The following DDX10 variants were observed in gnomAD, a reference collection of about 807,000 sequenced individuals.
DDX10 encodes probable ATP-dependent RNA helicase DDX10.
A neutral mutation model predicts 104.3 loss-of-function variants in DDX10; 74 were observed. The ratio of observed to expected loss-of-function variants is 0.71; its 90% CI spans 0.59 to 0.86. The LOEUF is 0.86. Ranked by LOEUF, DDX10 falls within the 40% of genes least tolerant of loss-of-function variation. DDX10 has a pLI of 0.00. For synonymous variants in DDX10, 351 were observed against 353.4 expected (o/e 0.99, Z 0.08); for missense variants, 952 against 1,040.0 (o/e 0.92, Z 1.16).
chr11:108,931,111 T>C (rs1863971001), intron 17 of DDX10, among the ~76,000 whole-genome samples: 1 of 152,048 alleles, frequency 6.6e-6, no homozygotes, highest in Admixed American at 6.6e-5. Flanking sequence ...TAGCACCCTG[T>C]ACTCCAGCCT....
At chr11:108,716,580 T>C (rs2094291785) in intron 11 of DDX10, among the ~76,000 whole-genome samples, 1 of 152,222 alleles carries the variant, frequency 6.6e-6, no homozygotes, top group African/African-American at 2.4e-5. Flanking sequence ...GTAAAATTGC[T>C]ATAACTCCTG....
At chr11:108,830,766 G>A (rs1862458596) in intron 13 of DDX10, among the ~76,000 whole-genome samples, 1 of 152,174 alleles carries the variant, frequency 6.6e-6, no homozygotes, top group Admixed American at 6.5e-5. Context: ...ATAAAGGGGT[G>A]ATGGATTTTG....
At chr11:108,784,300 A>G (rs1861757414) in intron 13 of DDX10, among the ~76,000 whole-genome samples, 1 of 152,124 alleles carries the variant, frequency 6.6e-6, no homozygotes. Flanking sequence ...AAGACTCTGT[A>G]ACATCTTTTA....
At chr11:108,747,696 T>C (rs1314354995) in intron 13 of DDX10, among the ~76,000 whole-genome samples, 1 of 152,160 alleles carries the variant, frequency 6.6e-6, no homozygotes, top group Non-Finnish European at 1.5e-5. Context: ...CTTTGGATTG[T>C]TAAATTAGTG....
intron 13 of DDX10, among the ~76,000 whole-genome samples, chr11:108,757,206 T>A (rs1371173782): frequency 3.3e-5 from 5 of 152,068 alleles, no homozygotes; most frequent in Non-Finnish European, 7.4e-5. Flanking sequence ...TCTTCCTTAT[T>A]TCCTCTCTCT....
chr11:108,925,320 C>T (rs945494281), intron 17 of DDX10, among the ~76,000 whole-genome samples: 2 of 152,122 alleles, frequency 1.3e-5, no homozygotes, highest in Non-Finnish European at 2.9e-5. Flanking sequence ...TGTTTTTGCC[C>T]TGTGCTTTCT....
At chr11:108,670,975 T>G (rs2094216253) in intron 1 of DDX10, among the ~76,000 whole-genome samples, 1 of 152,098 alleles carries the variant, frequency 6.6e-6, no homozygotes, top group Non-Finnish European at 1.5e-5. Flanking sequence ...AAGAGGATGG[T>G]CAAATGTCAC....
chr11:108,937,341 A>T (rs539928463), intron 17 of DDX10, among the ~76,000 whole-genome samples: 1 of 152,346 alleles, frequency 6.6e-6, no homozygotes, highest in Non-Finnish European at 1.5e-5. Context: ...TGAAAAAATT[A>T]AAATGGTGAA....
intron 17 of DDX10, among the ~76,000 whole-genome samples, chr11:108,938,876 G>A (rs1212285509): frequency 6.6e-6 from 1 of 152,156 alleles, no homozygotes; most frequent in African/African-American, 2.4e-5. Flanking sequence ...TATCCAGGCT[G>A]TCTTCTTAAA....
In DDX10 at chr11:108,688,976, C is replaced by A; in HGVS notation, c.889C>A (p.Leu297Met). Residue 297 changes from leucine to methionine, a missense_variant, in exon 7 of 18, where the codon CTG becomes ATG. By Grantham distance (15) the Leu-to-Met change is conservative. Transcript: ENST00000322536. The part of the protein sequence containing the change: ...TLEQNYIVCE[L>M]QQKISVLYSF... Reference sequence around the variant, plus strand: ...GGAACAGAACTACATAGTCTGTGAGCTGCAGCAAAAAATAAGTGTGCTGTA... The same window carrying A: ...GGAACAGAACTACATAGTCTGTGAGATGCAGCAAAAAATAAGTGTGCTGTA... The A allele has an allele frequency of 6.2e-7, 1 of 1,614,012 alleles. No homozygotes were observed. Among genetic ancestry groups the A allele is most frequent in the Non-Finnish European group, 8.5e-7 (1 of 1,179,930 alleles).
rs556730480 is a variant in DDX10, at chr11:108,673,359, A to T, written c.187-108A>T. The T allele has an allele frequency of 4.1e-4, 298 of 729,490 alleles. 1 individual carries two copies. Among genetic ancestry groups the T allele is most frequent in the Non-Finnish European group, 5.2e-4 (222 of 428,158 alleles). 45.2% of individuals were successfully genotyped at this position (729,490 alleles called of 1,614,324 possible). A position where few individuals can be genotyped will look rare whatever the true frequency, so the allele number is the denominator to read the frequency against. The stretch of plus-strand genomic sequence containing the variant: ...GGCTTTTAATTAGAAGCGATGATTG[A>T]ATTCAACCCTGAATTACCAAGGATG... On this transcript the variant is annotated intron_variant, in intron 1 of 17. Transcript: ENST00000322536.
intron 17 of DDX10, among the ~76,000 whole-genome samples, chr11:108,923,766 G>A (rs1209223573): frequency 3.3e-5 from 5 of 152,182 alleles, no homozygotes; most frequent in African/African-American, 1.2e-4. Context: ...GACCACATAA[G>A]TGATGGGTCC....
At chr11:108,698,894 G>C (rs12099333) in intron 9 of DDX10, among the ~76,000 whole-genome samples, 1 of 152,126 alleles carries the variant, frequency 6.6e-6, no homozygotes, top group Non-Finnish European at 1.5e-5. Flanking sequence ...GCTTTTGCCC[G>C]TAGGGCCTTT....
intron 13 of DDX10, among the ~76,000 whole-genome samples, chr11:108,727,383 T>C (rs1174850218): frequency 1.3e-5 from 2 of 152,264 alleles, no homozygotes; most frequent in East Asian, 3.9e-4. Context: ...TTAGTCTCTT[T>C]CCTGTTGATT....
intron 15 of DDX10, among the ~76,000 whole-genome samples, chr11:108,848,673 C>T (rs984321371): frequency 2.6e-5 from 4 of 152,008 alleles, no homozygotes; most frequent in African/African-American, 7.2e-5. Flanking sequence ...TATCCAGCAT[C>T]GAAAATGAGA....
At chr11:108,777,485 G>A (rs2094371607) in intron 13 of DDX10, among the ~76,000 whole-genome samples, 1 of 152,028 alleles carries the variant, frequency 6.6e-6, no homozygotes, top group South Asian at 2.1e-4. Flanking sequence ...ACTGCATCTG[G>A]ATAAGTTTTG....
At chr11:108,670,700 T>C (rs61913966) in intron 1 of DDX10, among the ~76,000 whole-genome samples, 18,577 of 152,180 alleles carry the variant, frequency 0.12, 1,528 homozygotes, top group East Asian at 0.27. Context: ...GCTGTGTTAG[T>C]TCAGCAGCTG....
intron 16 of DDX10, among the ~76,000 whole-genome samples, chr11:108,901,800 C>T (rs377163941): frequency 6.9e-4 from 105 of 152,132 alleles, no homozygotes; most frequent in African/African-American, 2.5e-3. Flanking sequence ...AAATGTTTTA[C>T]CACCTATCTA....
chr11:108,688,894 C>T, intron 6 of DDX10, 42 bp from the exon 7 acceptor site: 2 of 1,586,518 alleles, frequency 1.3e-6, no homozygotes, highest in Non-Finnish European at 1.7e-6. Flanking sequence ...CAGTTACTTA[C>T]ATGACATATT....
Sources: gnomAD v4.1 joint callset for allele counts (sites outside exome capture counted in the v4.1 genomes callset) on GRCh38, gnomAD v4.1.1 for gene constraint, MANE v1.5 for transcripts, NCBI Gene and HGNC (gene_info 2026-07-23, HGNC 2026-07-21) for gene names.